Variants in PGM2L1 observed in about 807,000 individuals in gnomAD.
PGM2L1 encodes the protein phosphoglucomutase 2 like 1, also known as glucose 1,6-bisphosphate synthase.
PGM2L1 carries 35 observed loss-of-function variants against 73.4 expected under a neutral mutation model. The ratio of observed to expected loss-of-function variants is 0.48; its 90% CI spans 0.36 to 0.63. PGM2L1 has a LOEUF of 0.63. PGM2L1 is among the 30% of genes least tolerant of loss of function. The pLI, the probability that PGM2L1 is intolerant of heterozygous loss-of-function variation, is 0.00. For missense variants in PGM2L1, 570 were observed against 742.0 expected (o/e 0.77, Z 2.69); for synonymous variants, 225 against 253.8 (o/e 0.89, Z 1.08).
At position 74,334,088 on chromosome 11, in the gene PGM2L1, C is replaced by T. The variant is rs1862055119; in HGVS notation, c.*2564G>A. 1 of 152,180 alleles carries T rather than the reference C, an allele frequency of 6.6e-6. No homozygotes were observed. Among genetic ancestry groups the T allele is most frequent in the Non-Finnish European group, 1.5e-5 (1 of 68,026 alleles). 9.4% of individuals were successfully genotyped at this position (152,180 alleles called of 1,614,324 possible). A position where few individuals can be genotyped will look rare whatever the true frequency, so the allele number is the denominator to read the frequency against. ...TGACAGGCTAGAATAAAATAATTCC[C>T]TCAATCGATACACTTCAGGAACATT... is the stretch of plus-strand genomic sequence containing the variant. On this transcript the variant is annotated 3_prime_UTR_variant, in exon 14 of 14. Coordinates refer to ENST00000298198, the MANE Select transcript of PGM2L1 (RefSeq NM_173582.6).
chr11:74,356,164 T>A (rs648645), intron 5 of PGM2L1, among the ~76,000 whole-genome samples: 1 of 152,134 alleles, frequency 6.6e-6, no homozygotes, highest in African/African-American at 2.4e-5. Flanking sequence ...AGGTTCTATT[T>A]GGAGTTTATG....
At position 74,366,281 on chromosome 11, in the gene PGM2L1, C is replaced by T. The variant is rs1439955527; in HGVS notation, c.555+2211G>A. 2.6e-5 allele frequency among the ~76,000 whole-genome samples: 4 copies of T among 151,148 alleles called. No homozygotes were observed. The South Asian group carries it at 6.3e-4, about 24-fold the overall frequency. ...AATGTAAATGATGAGTTAATGGGTG[C>T]AGCACACCAACATGGCACATGTATA... On this transcript the variant is annotated intron_variant, in intron 5 of 13. Transcript: ENST00000298198.
At chr11:74,394,764 A>G (rs1047937940) in intron 1 of PGM2L1, among the ~76,000 whole-genome samples, 2 of 152,212 alleles carry the variant, frequency 1.3e-5, no homozygotes, top group African/African-American at 4.8e-5. Context: ...ACATTTTTTC[A>G]TAAAGACTTT....
intron 5 of PGM2L1, among the ~76,000 whole-genome samples, chr11:74,357,109 A>C (rs1341512632): frequency 6.6e-6 from 1 of 152,162 alleles, no homozygotes; most frequent in Non-Finnish European, 1.5e-5. Flanking sequence ...TTGGTCTCCC[A>C]AAGTGCTGGG....
chr11:74,351,271 T>C lies in PGM2L1; in HGVS notation c.749+112A>G, dbSNP rs1862348138. On this transcript the variant is annotated intron_variant, in intron 6 of 13. Coordinates refer to ENST00000298198, the MANE Select transcript of PGM2L1 (RefSeq NM_173582.6). Reference sequence around the variant, plus strand: ...CACTCTTTGACTCTTATGAGTACTATTTAGCTATAATTTTAATCTAATAAA... The same window carrying C: ...CACTCTTTGACTCTTATGAGTACTACTTAGCTATAATTTTAATCTAATAAA... 5.8e-6 allele frequency: 6 copies of C among 1,037,580 alleles called. No homozygotes were observed. The South Asian group carries it at 9.7e-5, about 17-fold the overall frequency. 64.3% of individuals were successfully genotyped at this position (1,037,580 alleles called of 1,614,324 possible).
intron 4 of PGM2L1, among the ~76,000 whole-genome samples, chr11:74,370,655 AAAG>A (rs1297844135): frequency 6.6e-6 from 1 of 152,230 alleles, no homozygotes; most frequent in African/African-American, 2.4e-5. Context: ...TCAATTTCTG[AAAG>A]AAGATGTTAA....
In PGM2L1 at chr11:74,352,246, A is replaced by T. The variant is rs377471264; in HGVS notation, c.556-670T>A. ...TCTTAAACCTATAACTATCTACTAA[A>T]GATAATCCAAGAAACCACAGACTAT... On this transcript the variant is annotated intron_variant, in intron 5 of 13. Coordinates refer to ENST00000298198, the MANE Select transcript of PGM2L1 (RefSeq NM_173582.6). Among the ~76,000 whole-genome samples, 51 of 152,254 alleles carry T rather than the reference A, an allele frequency of 3.3e-4. 1 individual carries two copies. In the East Asian group the frequency reaches 8.7e-3, roughly 26 times the overall value.
At chr11:74,372,536 T>C (rs1215303235) in intron 2 of PGM2L1, among the ~76,000 whole-genome samples, 2 of 152,240 alleles carry the variant, frequency 1.3e-5, no homozygotes, top group Non-Finnish European at 2.9e-5. Flanking sequence ...ACATTTTATA[T>C]TATTACAGTC....
chr11:74,374,352 G>T (rs1301342149), intron 2 of PGM2L1, 63 bp downstream of exon 2: 8 of 1,381,798 alleles, frequency 5.8e-6, no homozygotes, highest in African/African-American at 1.4e-5. Flanking sequence ...AAACTGCTGG[G>T]ATTACAGGCA....
At chr11:74,371,467 T>A (rs563008966) in intron 3 of PGM2L1, among the ~76,000 whole-genome samples, 1 of 152,324 alleles carries the variant, frequency 6.6e-6, no homozygotes, top group Admixed American at 6.5e-5. Context: ...ATTAAAGTTA[T>A]AAGCTATGAT....
intron 8 of PGM2L1, among the ~76,000 whole-genome samples, chr11:74,346,049 G>C (rs1862256254): frequency 6.6e-6 from 1 of 151,924 alleles, no homozygotes; most frequent in Non-Finnish European, 1.5e-5. Context: ...AGGATCACCT[G>C]AGGTCAGGAG....
chr11:74,371,666 T>C, intron 3 of PGM2L1, 45 bp downstream of exon 3: 1 of 1,529,644 alleles, frequency 6.5e-7, no homozygotes, highest in East Asian at 2.3e-5. Context: ...TTTAAATATG[T>C]TTTATTCTAT....
intron 1 of PGM2L1, among the ~76,000 whole-genome samples, chr11:74,389,452 A>C (rs1359312399): frequency 6.6e-6 from 1 of 151,862 alleles, no homozygotes; most frequent in Non-Finnish European, 1.5e-5. Context: ...TACTTTTTTA[A>C]AAATTTATTT....
chr11:74,374,594 A>T lies in PGM2L1; in HGVS notation c.112-12T>A, dbSNP rs1252553171. The T allele has an allele frequency of 1.9e-6, 3 of 1,611,190 alleles. No homozygotes were observed. The highest frequency in any genetic ancestry group is 2.5e-6 in the Non-Finnish European group (3 of 1,177,974). On this transcript the variant is annotated splice_polypyrimidine_tract_variant and intron_variant, in intron 1 of 13. Coordinates refer to ENST00000298198, the MANE Select transcript of PGM2L1 (RefSeq NM_173582.6). ...TTTGTTTTGGGATTCTATAAAAAAG[A>T]AGTATTAAAACTTAACCAGGAATCC...
At chr11:74,389,713 G>A (rs1283719495) in intron 1 of PGM2L1, among the ~76,000 whole-genome samples, 3 of 151,144 alleles carry the variant, frequency 2.0e-5, no homozygotes, top group Admixed American at 1.3e-4. Flanking sequence ...GCCTCCCAAA[G>A]TGCTAGGATT....
At chr11:74,379,814 A>G (rs1591188044) in intron 1 of PGM2L1, among the ~76,000 whole-genome samples, 1 of 152,148 alleles carries the variant, frequency 6.6e-6, no homozygotes. Context: ...AATCCCAGCT[A>G]TTCGGGAGGC....
chr11:74,330,561 T>C lies in PGM2L1; in HGVS notation c.*6091A>G, dbSNP rs1263924404. 2.0e-5 allele frequency: 3 copies of C among 152,666 alleles called. No homozygotes were observed. Among genetic ancestry groups the C allele is most frequent in the Non-Finnish European group, 2.9e-5 (2 of 68,038 alleles). 9.5% of individuals were successfully genotyped at this position (152,666 alleles called of 1,614,324 possible). ...TTGACTGCATAAATTTTACCTGGCA[T>C]ATTCAATGAGGCATACAAAGAGTTT... is the stretch of plus-strand genomic sequence containing the variant. On this transcript the variant is annotated 3_prime_UTR_variant, in exon 14 of 14. Coordinates refer to ENST00000298198, the MANE Select transcript of PGM2L1 (RefSeq NM_173582.6).
At chr11:74,374,147 G>A (rs1045410179) in intron 2 of PGM2L1, among the ~76,000 whole-genome samples, 2 of 151,132 alleles carry the variant, frequency 1.3e-5, no homozygotes, top group Admixed American at 1.3e-4. Context: ...GCAGTGGCGC[G>A]ATCTCGGCTC....
chr11:74,380,832 CA>C (rs1288550166), intron 1 of PGM2L1, among the ~76,000 whole-genome samples: 6 of 152,142 alleles, frequency 3.9e-5, no homozygotes, highest in Non-Finnish European at 8.8e-5. Context: ...TGTCTTTCTA[CA>C]ACTATTCTGA....
Sources: gnomAD v4.1 joint callset for allele counts (sites outside exome capture counted in the v4.1 genomes callset) on GRCh38, gnomAD v4.1.1 for gene constraint, MANE v1.5 for transcripts, NCBI Gene and HGNC (gene_info 2026-07-23, HGNC 2026-07-21) for gene names.